GDAP1: variants seen among roughly 807,000 people sequenced by gnomAD.
GDAP1 encodes ganglioside-induced differentiation-associated protein 1.
In GDAP1, 34 loss-of-function variants were observed where a neutral mutation model predicts 40.1. That is an observed-to-expected ratio of 0.85 (90% CI 0.64 to 1.13). The LOEUF is 1.13. Ranked by LOEUF, GDAP1 falls within the 50% of genes most tolerant of loss-of-function variation. The probability of loss-of-function intolerance (pLI) is 0.00; values close to 1 mark genes in which losing one functional copy is unlikely to be tolerated. For missense variants in GDAP1, 374 were observed against 433.7 expected (o/e 0.86, Z 1.22); for synonymous variants, 170 against 157.4 (o/e 1.08, Z -0.60).
chr8:74,445,582 T>C (rs1806217561), intron 2 of GDAP1, among the ~76,000 whole-genome samples: 1 of 152,208 alleles, frequency 6.6e-6, no homozygotes. Context: ...GTACACATCT[T>C]TATGTATATG....
Position 74,422,344 on chromosome 8 carries a change from TCTTTCTTC to T in GDAP1, c.166-66332_166-66325del, listed in dbSNP as rs1347026693. ...TTCTTTCTTTCTTTCTTTCTTTCTT[TCTTTCTTC>T]CCTTCCTTCCTTCCTTCCTTCCTTC... On this transcript the variant is annotated intron_variant, in intron 2 of 2. Coordinates refer to the GDAP1 transcript ENST00000523640. Among the ~76,000 whole-genome samples, 428 of 49,338 alleles carry T rather than the reference TCTTTCTTC, an allele frequency of 8.7e-3. 11 individuals carry two copies. Among genetic ancestry groups the T allele is most frequent in the African/African-American group, 0.033 (364 of 11,168 alleles). The allele number at this position is 49,338 out of a possible 152,430, so 32.4% of individuals were successfully genotyped here.
chr8:74,369,941 A>G (rs1019269975), downstream of GDAP1, among the ~76,000 whole-genome samples: 5 of 152,188 alleles, frequency 3.3e-5, no homozygotes, highest in African/African-American at 1.2e-4. Flanking sequence ...TGGTGAGGGA[A>G]TCCTGCCAAT....
chr8:74,471,760 A>G (rs896852133), intron 2 of GDAP1, among the ~76,000 whole-genome samples: 6 of 152,106 alleles, frequency 3.9e-5, no homozygotes, highest in African/African-American at 1.2e-4. Flanking sequence ...ATGTCATTGT[A>G]ATCGTGCAGT....
At chr8:74,401,784 G>C (rs199987323) in intron 2 of GDAP1, among the ~76,000 whole-genome samples, 1 of 150,000 alleles carries the variant, frequency 6.7e-6, no homozygotes, top group Non-Finnish European at 1.5e-5. Context: ...ACAGGACCCT[G>C]AGCTGCAGGT....
chr8:74,412,850 A>G (rs1212745857), intron 2 of GDAP1, among the ~76,000 whole-genome samples: 1 of 148,504 alleles, frequency 6.7e-6, no homozygotes, highest in African/African-American at 2.6e-5. Flanking sequence ...CAAGGTGAGG[A>G]GATTGAGACC....
chr8:74,387,540 C>A (rs1810043305), intron 2 of GDAP1, among the ~76,000 whole-genome samples: 1 of 152,214 alleles, frequency 6.6e-6, no homozygotes, highest in African/African-American at 2.4e-5. Context: ...CCGACTTGAT[C>A]ATGGTGGATA....
In GDAP1 at chr8:74,401,290, C is replaced by G. The variant is rs1354388012; in HGVS notation, c.165+49969C>G. Among the ~76,000 whole-genome samples the G allele has an allele frequency of 6.7e-5, 10 of 149,400 alleles. 1 individual carries two copies. The highest frequency in any genetic ancestry group is 1.0e-4 in the Non-Finnish European group (7 of 68,026). ...TTTCTCTAAACTTCCCTTCTCACTTCATTTCATTCATTTCATCTTCCATCA... is the reference window on the plus strand; with the variant it reads ...TTTCTCTAAACTTCCCTTCTCACTTGATTTCATTCATTTCATCTTCCATCA... On this transcript the variant is annotated intron_variant, in intron 2 of 2. Coordinates refer to the GDAP1 transcript ENST00000523640.
intron 2 of GDAP1, among the ~76,000 whole-genome samples, chr8:74,353,552 G>A (rs976345389): frequency 6.6e-6 from 1 of 152,126 alleles, no homozygotes; most frequent in African/African-American, 2.4e-5. Context: ...AGAACTCATG[G>A]AGAATGAAAG....
chr8:74,379,376 A>G (rs1809912956), intron 2 of GDAP1, among the ~76,000 whole-genome samples: 1 of 152,166 alleles, frequency 6.6e-6, no homozygotes. Context: ...GTTGGCATCA[A>G]AGACTTAAAG....
chr8:74,418,079 G>A (rs1194768004), intron 2 of GDAP1, among the ~76,000 whole-genome samples: 1 of 152,090 alleles, frequency 6.6e-6, no homozygotes, highest in Non-Finnish European at 1.5e-5. Flanking sequence ...TCATGGATTG[G>A]GAATCTCAAC....
intron 2 of GDAP1, among the ~76,000 whole-genome samples, chr8:74,389,394 T>A (rs914122521): frequency 1.3e-5 from 2 of 152,224 alleles, no homozygotes; most frequent in African/African-American, 4.8e-5. Context: ...CCCTAAGCAT[T>A]TGCTTTTTTG....
rs116689261 is a variant in GDAP1, at chr8:74,427,270, G to A, written c.166-61408G>A. Among the ~76,000 whole-genome samples, 836 of 152,294 alleles carry A rather than the reference G, an allele frequency of 5.5e-3. 11 individuals carry two copies. Among genetic ancestry groups the A allele is most frequent in the African/African-American group, 0.019 (777 of 41,558 alleles). On this transcript the variant is annotated intron_variant, in intron 2 of 2. Transcript: ENST00000523640. ...CCTATGTGAGTTACATCTCATGGTA[G>A]CCATATATGTGATCCCAGGTGAAAC...
chr8:74,369,178 T>A (rs1022641264), downstream of GDAP1, among the ~76,000 whole-genome samples: 2 of 152,138 alleles, frequency 1.3e-5, no homozygotes, highest in Non-Finnish European at 2.9e-5. Flanking sequence ...ATCAACATGC[T>A]TCAGAGAGAA....
chr8:74,421,031 G>A (rs985666170), intron 2 of GDAP1, among the ~76,000 whole-genome samples: 1 of 151,776 alleles, frequency 6.6e-6, no homozygotes, highest in Admixed American at 6.6e-5. Context: ...AGAGATAGAT[G>A]ATACATAGAT....
In GDAP1 at chr8:74,365,985, T is replaced by A. The variant is rs1292142436; in HGVS notation, c.*1618T>A. ...TAGTTCATAGTGTTTGAGTTCTTTATGTCACTCTGTTAGAAACAAGAACTG... is the reference window on the plus strand; with the variant it reads ...TAGTTCATAGTGTTTGAGTTCTTTAAGTCACTCTGTTAGAAACAAGAACTG... On this transcript the variant is annotated 3_prime_UTR_variant, in exon 6 of 6. Transcript: ENST00000220822. 1 of 451,844 alleles carries A rather than the reference T, an allele frequency of 2.2e-6. No individual in the cohort carries two copies. Among genetic ancestry groups the A allele is most frequent in the African/African-American group, 2.0e-5 (1 of 49,860 alleles). 28.0% of individuals were successfully genotyped at this position (451,844 alleles called of 1,614,324 possible). A position where few individuals can be genotyped will look rare whatever the true frequency, so the allele number is the denominator to read the frequency against.
chr8:74,375,535 A>T (rs752555696), intron 2 of GDAP1, among the ~76,000 whole-genome samples: 1 of 152,364 alleles, frequency 6.6e-6, no homozygotes, highest in Middle Eastern at 3.4e-3. Context: ...ATGAAACATC[A>T]TATAACCATC....
chr8:74,357,797 C>G (rs1809175093), intron 2 of GDAP1, among the ~76,000 whole-genome samples: 2 of 152,146 alleles, frequency 1.3e-5, no homozygotes. Flanking sequence ...ATGTTGCTTT[C>G]CCACTCCTGA....
chr8:74,382,745 T>C (rs981475562), intron 2 of GDAP1, among the ~76,000 whole-genome samples: 1 of 152,048 alleles, frequency 6.6e-6, no homozygotes, highest in Non-Finnish European at 1.5e-5. Context: ...CTGGATGAGA[T>C]TGTAACAATT....
At chr8:74,381,670 C>T (rs531466287) in intron 2 of GDAP1, among the ~76,000 whole-genome samples, 2 of 151,428 alleles carry the variant, frequency 1.3e-5, no homozygotes, top group South Asian at 2.1e-4. Context: ...GCAGGAGAAT[C>T]GCTTGAACCC....
Sources: allele counts gnomAD v4.1 joint callset (sites outside exome capture counted in the v4.1 genomes callset), GRCh38; gene constraint gnomAD v4.1.1; transcripts MANE v1.5; gene names NCBI Gene and HGNC (gene_info 2026-07-23, HGNC 2026-07-21).